ULK4: variants seen among roughly 807,000 people sequenced by gnomAD.
The protein encoded by ULK4 is inactive serine/threonine-protein kinase ULK4.
A neutral mutation model predicts 160.6 loss-of-function variants in ULK4; 133 were observed. That is an observed-to-expected ratio of 0.83 (90% confidence interval 0.72 to 0.96). The LOEUF (loss-of-function observed/expected upper bound fraction) is 0.96, where lower values mean the gene tolerates loss of function less well. Ranked by LOEUF, ULK4 falls within the 40% of genes least tolerant of loss-of-function variation. ULK4 has a pLI of 0.00. For synonymous variants in ULK4, 534 were observed against 539.8 expected (o/e 0.99, Z 0.15); for missense variants, 1,580 against 1,499.5 (o/e 1.05, Z -0.89).
At chr3:41,905,061 G>C (rs757599049) in intron 12 of ULK4, among the ~76,000 whole-genome samples, 1 of 152,176 alleles carries the variant, frequency 6.6e-6, no homozygotes, top group Non-Finnish European at 1.5e-5. Context: ...AATTTTTTTG[G>C]AGGATTCATA....
intron 30 of ULK4, among the ~76,000 whole-genome samples, chr3:41,621,837 C>T (rs1415973904): frequency 2.6e-5 from 4 of 151,924 alleles, no homozygotes; most frequent in Non-Finnish European, 5.9e-5. Flanking sequence ...ACCAACAGAA[C>T]GGGAGAAAAT....
At chr3:41,303,144 A>G (rs931672535) in intron 35 of ULK4, among the ~76,000 whole-genome samples, 1 of 152,166 alleles carries the variant, frequency 6.6e-6, no homozygotes, top group Non-Finnish European at 1.5e-5. Context: ...GCCTCTGATA[A>G]TAATTATTTG....
chr3:41,453,661 C>T (rs2083472359), intron 34 of ULK4, among the ~76,000 whole-genome samples: 1 of 152,114 alleles, frequency 6.6e-6, no homozygotes, highest in South Asian at 2.1e-4. Flanking sequence ...CAAAGTCACA[C>T]AGCTGGTAAG....
At chr3:41,247,594 G>C in intron 36 of ULK4, among the ~76,000 whole-genome samples, 1 of 149,244 alleles carries the variant, frequency 6.7e-6, no homozygotes, top group South Asian at 2.1e-4. Context: ...AATAGAGCTG[G>C]TACCAAATAA....
At chr3:41,611,114 C>T (rs2032654039) in intron 31 of ULK4, among the ~76,000 whole-genome samples, 1 of 152,210 alleles carries the variant, frequency 6.6e-6, no homozygotes, top group South Asian at 2.1e-4. Flanking sequence ...TCTGATGGCT[C>T]ACATTTTTCA....
chr3:41,854,556 G>A (rs1034990858), intron 17 of ULK4, among the ~76,000 whole-genome samples: 1 of 152,110 alleles, frequency 6.6e-6, no homozygotes, highest in Non-Finnish European at 1.5e-5. Flanking sequence ...TGAGCATCAG[G>A]TGTCTGTCTC....
At chr3:41,937,627 T>C (rs1360423254) in intron 3 of ULK4, among the ~76,000 whole-genome samples, 10 of 152,186 alleles carry the variant, frequency 6.6e-5, no homozygotes, top group Non-Finnish European at 1.2e-4. Context: ...TTTCTCCCTG[T>C]ATATGGTCCT....
At chr3:41,424,903 C>G (rs1383808016) in intron 34 of ULK4, among the ~76,000 whole-genome samples, 1 of 147,104 alleles carries the variant, frequency 6.8e-6, no homozygotes, top group East Asian at 2.0e-4. Flanking sequence ...CAAATGATCG[C>G]AATACCTCTC....
intron 30 of ULK4, among the ~76,000 whole-genome samples, chr3:41,656,265 T>C (rs1205122167): frequency 4.6e-5 from 7 of 152,062 alleles, no homozygotes; most frequent in African/African-American, 1.7e-4. Context: ...TTCTATGGAC[T>C]AGGGGGTTCA....
chr3:41,563,337 T>G (rs1399388082), intron 32 of ULK4, among the ~76,000 whole-genome samples: 1 of 152,188 alleles, frequency 6.6e-6, no homozygotes, highest in Non-Finnish European at 1.5e-5. Flanking sequence ...TTATGTGTCT[T>G]GGGGTTGCTC....
chr3:41,900,835 A>C lies in ULK4; in HGVS notation c.1183-6T>G, dbSNP rs1406130239. 1 of 1,607,890 alleles carries C rather than the reference A, an allele frequency of 6.2e-7. No individual in the cohort carries two copies. The highest frequency in any genetic ancestry group is 8.5e-7 in the Non-Finnish European group (1 of 1,175,222). On this transcript the variant is annotated splice_region_variant and splice_polypyrimidine_tract_variant and intron_variant, in intron 12 of 36. Coordinates refer to ENST00000301831, the MANE Select transcript of ULK4 (RefSeq NM_017886.4). ...CTCAGGTGTCCACTTGTAATCTGAA[A>C]TGAGAACAAAAATTAGACTTTGTTT... is the stretch of plus-strand genomic sequence containing the variant.
At chr3:41,958,921 A>C (rs780136268) in intron 1 of ULK4, among the ~76,000 whole-genome samples, 19 of 152,144 alleles carry the variant, frequency 1.2e-4, no homozygotes, top group Non-Finnish European at 2.4e-4. Context: ...GATATGGCTG[A>C]GTTCCATTAA....
intron 35 of ULK4, among the ~76,000 whole-genome samples, chr3:41,337,894 G>A (rs1448044344): frequency 6.6e-6 from 1 of 152,126 alleles, no homozygotes; most frequent in Non-Finnish European, 1.5e-5. Context: ...GGGATAGGCT[G>A]GTAAAGATGG....
intron 30 of ULK4, among the ~76,000 whole-genome samples, chr3:41,650,408 C>A (rs950091619): frequency 6.6e-6 from 1 of 152,222 alleles, no homozygotes; most frequent in Admixed American, 6.5e-5. Flanking sequence ...GGCTGTGATA[C>A]CCTCCTTGGG....
intron 12 of ULK4, among the ~76,000 whole-genome samples, chr3:41,906,215 T>TAAAAAAAA (rs1698551929): frequency 5.3e-4 from 2 of 3,764 alleles, no homozygotes; most frequent in Non-Finnish European, 1.4e-3. Flanking sequence ...AGACTCCGTC[T>TAAAAAAAA]CAAAAAAAAA....
In ULK4 at chr3:41,367,570, C is replaced by G. The variant is rs151028473; in HGVS notation, c.3678+30509G>C. 3.0e-3 allele frequency among the ~76,000 whole-genome samples: 454 copies of G among 152,264 alleles called. 4 individuals carry two copies. Among genetic ancestry groups the G allele is most frequent in the African/African-American group, 9.7e-3 (402 of 41,556 alleles). On this transcript the variant is annotated intron_variant, in intron 35 of 36. Transcript: ENST00000301831. ...TTCCTCAAAACCCCTGGCCCTGAGT[C>G]TGGGATTCCTCCAGAACTTTTCCAT...
chr3:41,905,653 A>T (rs1698526917), intron 12 of ULK4, among the ~76,000 whole-genome samples: 1 of 152,238 alleles, frequency 6.6e-6, no homozygotes, highest in African/African-American at 2.4e-5. Context: ...CCAATTAAAA[A>T]TAGGTTAAAT....
intron 5 of ULK4, among the ~76,000 whole-genome samples, chr3:41,921,447 T>TA (rs908225991): frequency 2.6e-4 from 39 of 150,430 alleles, no homozygotes; most frequent in South Asian, 1.1e-3. Flanking sequence ...CCGTCTCTCA[T>TA]AAAAAAAAAT....
rs147636411 is a variant in ULK4 at position 41,770,533 on chromosome 3, A to G, written c.2194-16045T>C. ...TACTTTTTTTTTTTTTTTTTGAGACAGAGTATTACTCTGTTGCCCAGGCTG... is the reference window on the plus strand; with the variant it reads ...TACTTTTTTTTTTTTTTTTTGAGACGGAGTATTACTCTGTTGCCCAGGCTG... On this transcript the variant is annotated intron_variant, in intron 21 of 36. Transcript: ENST00000301831. 5.3e-4 allele frequency among the ~76,000 whole-genome samples: 78 copies of G among 146,582 alleles called. 4 individuals carry two copies. In the East Asian group the frequency reaches 0.015, roughly 28 times the overall value.
Sources: allele counts gnomAD v4.1 joint callset (sites outside exome capture counted in the v4.1 genomes callset), GRCh38; gene constraint gnomAD v4.1.1; transcripts MANE v1.5; gene names NCBI Gene and HGNC (gene_info 2026-07-23, HGNC 2026-07-21).